TMC5: variants seen among roughly 807,000 people sequenced by gnomAD.
TMC5 encodes transmembrane channel like 5, also known as transmembrane channel-like protein 5.
In TMC5, 86 loss-of-function variants were observed where a neutral mutation model predicts 110.5. The ratio of observed to expected loss-of-function variants is 0.78; its 90% CI spans 0.65 to 0.93. The LOEUF (loss-of-function observed/expected upper bound fraction) is 0.93, where lower values mean the gene tolerates loss of function less well. TMC5 is among the 40% of genes least tolerant of loss of function. TMC5 has a pLI of 0.00. For missense variants in TMC5, 1,144 were observed against 1,222.8 expected (o/e 0.94, Z 0.96); for synonymous variants, 455 against 439.5 (o/e 1.04, Z -0.44).
chr16:19,426,327 T>C (rs1290412322), intron 1 of TMC5, among the ~76,000 whole-genome samples: 2 of 152,190 alleles, frequency 1.3e-5, no homozygotes, highest in Non-Finnish European at 2.9e-5. Context: ...CCCAGCTTCA[T>C]TGCCTCCTGC....
intron 21 of TMC5, 29 bp from the exon 22 acceptor site, chr16:19,497,890 GT>G: frequency 6.2e-7 from 1 of 1,612,080 alleles, no homozygotes. Flanking sequence ...GTGTGCCTGC[GT>G]TAACTTCTCT....
At chr16:19,478,520 A>G (rs1287117121) in intron 13 of TMC5, among the ~76,000 whole-genome samples, 3 of 151,892 alleles carry the variant, frequency 2.0e-5, no homozygotes, top group East Asian at 1.9e-4. Context: ...CCATGCATCT[A>G]TTCATCTGTC....
intron 4 of TMC5, among the ~76,000 whole-genome samples, chr16:19,446,051 G>C (rs865804557): frequency 6.9e-6 from 1 of 144,636 alleles, no homozygotes; most frequent in Non-Finnish European, 1.5e-5. Flanking sequence ...GGACAGGAAA[G>C]GAAGGGAGTG....
At chr16:19,435,113 C>T (rs188763061) in intron 2 of TMC5, among the ~76,000 whole-genome samples, 23 of 152,162 alleles carry the variant, frequency 1.5e-4, no homozygotes, top group South Asian at 4.2e-4. Flanking sequence ...AAAACCCTAC[C>T]GCTTTTTTCA....
At chr16:19,462,984 A>G (rs1265364387) in intron 6 of TMC5, among the ~76,000 whole-genome samples, 9 of 151,776 alleles carry the variant, frequency 5.9e-5, no homozygotes, top group Admixed American at 4.6e-4. Context: ...ATCATAGCTC[A>G]CTGCAGTCTC....
intron 19 of TMC5, among the ~76,000 whole-genome samples, chr16:19,493,446 T>A (rs1968965935): frequency 3.1e-5 from 1 of 32,578 alleles, no homozygotes; most frequent in Non-Finnish European, 6.1e-5. Context: ...TTGGTTAATG[T>A]CTCTCTCTCT....
intron 4 of TMC5, among the ~76,000 whole-genome samples, chr16:19,444,696 C>T (rs893633075): frequency 1.3e-5 from 2 of 152,196 alleles, no homozygotes; most frequent in African/African-American, 4.8e-5. Context: ...CCAGTGGCCA[C>T]CTGTAGTTTA....
chr16:19,483,004 C>T (rs995096999), intron 15 of TMC5, among the ~76,000 whole-genome samples: 5 of 152,018 alleles, frequency 3.3e-5, no homozygotes. Flanking sequence ...GCTGGGACTA[C>T]AGGCATGTGC....
intron 1 of TMC5, among the ~76,000 whole-genome samples, chr16:19,426,916 C>T (rs1425741720): frequency 6.6e-6 from 1 of 152,120 alleles, no homozygotes; most frequent in Admixed American, 6.6e-5. Flanking sequence ...ATTCCCAGGT[C>T]CCACTTGAGG....
At chr16:19,451,637 G>A (rs1331778362) in intron 5 of TMC5, among the ~76,000 whole-genome samples, 1 of 151,988 alleles carries the variant, frequency 6.6e-6, no homozygotes, top group Non-Finnish European at 1.5e-5. Context: ...CACCAAGAAA[G>A]CGATCAATTT....
At chr16:19,457,051 A>G in intron 5 of TMC5, 3 of 1,544,664 alleles carry the variant, frequency 1.9e-6, no homozygotes, top group Non-Finnish European at 2.6e-6. Context: ...GTAGGGGAGT[A>G]GGAAAAAAGG....
chr16:19,480,930 G>C (rs1968603976), intron 14 of TMC5, among the ~76,000 whole-genome samples: 1 of 151,314 alleles, frequency 6.6e-6, no homozygotes, highest in Non-Finnish European at 1.5e-5. Flanking sequence ...TGGAAACTTG[G>C]TTTCCTTCTT....
Position 19,438,390 on chromosome 16 carries a change from C to CAA in TMC5, c.-79-1553_-79-1552dup, listed in dbSNP as rs60807937. ...CCTGGGTGACAGAGTGACACCCTGT[C>CAA]AAAAAAAAAAAAAAAAAAGAAGAAA... On this transcript the variant is annotated intron_variant, in intron 2 of 21. Coordinates refer to ENST00000542583, the MANE Select transcript of TMC5 (RefSeq NM_001261841.2). 4.9e-3 allele frequency among the ~76,000 whole-genome samples: 291 copies of CAA among 59,764 alleles called. 6 individuals are homozygous for CAA. The highest frequency in any genetic ancestry group is 0.017 in the East Asian group (28 of 1,650). 39.2% of individuals were successfully genotyped at this position (59,764 alleles called of 152,430 possible). A position where few individuals can be genotyped will look rare whatever the true frequency, so the allele number is the denominator to read the frequency against.
chr16:19,422,361 A>G (rs1244552003), intron 1 of TMC5, among the ~76,000 whole-genome samples: 1 of 152,194 alleles, frequency 6.6e-6, no homozygotes, highest in Non-Finnish European at 1.5e-5. Context: ...AGGGACATTT[A>G]GGATACTGTA....
chr16:19,472,008 G>A (rs959537277), intron 10 of TMC5, 80 bp from the exon 11 acceptor site: 65 of 1,441,152 alleles, frequency 4.5e-5, no homozygotes, highest in East Asian at 7.2e-5. Context: ...TGATCCACCC[G>A]CCTTGGCCTC....
chr16:19,462,637 T>C (rs904953981), intron 6 of TMC5: 24 of 653,316 alleles, frequency 3.7e-5, no homozygotes, highest in Admixed American at 3.2e-4. Context: ...TGGTGGCTCA[T>C]GCCTGTAATC....
At chr16:19,479,666 C>T in intron 14 of TMC5, 138 bp downstream of exon 14, 1 of 656,764 alleles carries the variant, frequency 1.5e-6, no homozygotes, top group Non-Finnish European at 2.7e-6. Context: ...CTTGGGGATA[C>T]TGTTCACTTC....
At chr16:19,440,928 G>A (rs1385837455) in intron 3 of TMC5, 102 bp downstream of exon 3, 1 of 1,219,890 alleles carries the variant, frequency 8.2e-7, no homozygotes, top group Non-Finnish European at 1.2e-6. Context: ...GGATATATAT[G>A]ACGGTTTCTA....
intron 4 of TMC5, among the ~76,000 whole-genome samples, chr16:19,448,099 T>C (rs151047400): frequency 0.074 from 10,607 of 144,164 alleles, 775 homozygotes; most frequent in African/African-American, 0.2. Flanking sequence ...GAGGTTGCAG[T>C]GAGCCGAGAT....
Sources: gnomAD v4.1 joint callset for allele counts (sites outside exome capture counted in the v4.1 genomes callset) on GRCh38, gnomAD v4.1.1 for gene constraint, MANE v1.5 for transcripts, NCBI Gene and HGNC (gene_info 2026-07-23, HGNC 2026-07-21) for gene names.